The following USP31 variants were observed in gnomAD, a reference collection of about 807,000 sequenced individuals.
USP31 encodes the protein ubiquitin carboxyl-terminal hydrolase 31.
A neutral mutation model predicts 119.4 loss-of-function variants in USP31; 44 were observed. That is an observed-to-expected ratio of 0.37 (90% CI 0.29 to 0.47). The LOEUF is 0.47. USP31 is among the 20% of genes least tolerant of loss of function. The pLI is 0.99. For missense variants in USP31, 1,643 were observed against 1,730.2 expected (o/e 0.95, Z 0.89); for synonymous variants, 749 against 705.6 (o/e 1.06, Z -0.97).
intron 1 of USP31, among the ~76,000 whole-genome samples, chr16:23,141,002 C>T (rs943114790): frequency 2.0e-5 from 3 of 152,234 alleles, no homozygotes; most frequent in Non-Finnish European, 4.4e-5. Context: ...CCTGACTGGT[C>T]TCTGCCTCCA....
intron 1 of USP31, among the ~76,000 whole-genome samples, chr16:23,137,055 C>T (rs1406293033): frequency 6.6e-6 from 1 of 152,036 alleles, no homozygotes; most frequent in Non-Finnish European, 1.5e-5. Context: ...TCTACAAAAA[C>T]ACAAAAATTA....
At chr16:23,101,123 T>A (rs1044697977) in intron 6 of USP31, among the ~76,000 whole-genome samples, 1 of 152,150 alleles carries the variant, frequency 6.6e-6, no homozygotes, top group East Asian at 1.9e-4. Flanking sequence ...AGAATAAGTC[T>A]GTGGAGAAAT....
At chr16:23,127,940 A>C (rs924403305) in intron 1 of USP31, among the ~76,000 whole-genome samples, 1 of 152,138 alleles carries the variant, frequency 6.6e-6, no homozygotes, top group African/African-American at 2.4e-5. Context: ...TCAAATACTA[A>C]CATTGTTGGT....
rs1167571269 is a variant in USP31, at chr16:23,067,486, T to C, written c.*560A>G. On this transcript the variant is annotated 3_prime_UTR_variant, in exon 16 of 16. Transcript: ENST00000219689. Reference sequence around the variant, plus strand: ...AGCTGAGTATATACCTGAGAAACATTAGTGTTAAAATATTGCCCTTTACAA... The same window carrying C: ...AGCTGAGTATATACCTGAGAAACATCAGTGTTAAAATATTGCCCTTTACAA... 1 of 153,318 alleles carries C rather than the reference T, an allele frequency of 6.5e-6. No homozygotes were observed. Among genetic ancestry groups the C allele is most frequent in the Non-Finnish European group, 1.5e-5 (1 of 68,582 alleles). 9.5% of individuals were successfully genotyped at this position (153,318 alleles called of 1,614,324 possible).
intron 13 of USP31, among the ~76,000 whole-genome samples, chr16:23,078,472 C>A (rs1001752659): frequency 1.3e-5 from 2 of 152,132 alleles, no homozygotes; most frequent in African/African-American, 2.4e-5. Context: ...CTATCCACCC[C>A]ACTCTAGCCC....
At chr16:23,113,554 T>C (rs1164958929) in intron 1 of USP31, among the ~76,000 whole-genome samples, 2 of 152,216 alleles carry the variant, frequency 1.3e-5, no homozygotes, top group Admixed American at 6.5e-5. Context: ...AGGCAGGCTC[T>C]GAGGCAGATC....
chr16:23,123,415 G>C (rs1345852733), intron 1 of USP31, among the ~76,000 whole-genome samples: 1 of 152,090 alleles, frequency 6.6e-6, no homozygotes, highest in Non-Finnish European at 1.5e-5. Context: ...GTGCCCGCCT[G>C]TAATTCCAGC....
At chr16:23,104,928 C>T (rs752259902) in intron 5 of USP31, among the ~76,000 whole-genome samples, 18 of 152,186 alleles carry the variant, frequency 1.2e-4, no homozygotes, top group Non-Finnish European at 2.5e-4. Flanking sequence ...GCACAACTTT[C>T]CTTTCTCTTC....
chr16:23,147,405 C>A (rs1221472937), intron 1 of USP31, among the ~76,000 whole-genome samples: 1 of 152,172 alleles, frequency 6.6e-6, no homozygotes, highest in African/African-American at 2.4e-5. Flanking sequence ...CACTGCGCCC[C>A]GCCCGATTCC....
rs909343385 is a variant in USP31, at chr16:23,061,406, T to C, written c.*6640A>G. 4 of 152,630 alleles carry C rather than the reference T, an allele frequency of 2.6e-5. No homozygotes were observed. The highest frequency in any genetic ancestry group is 6.5e-5 in the Admixed American group (1 of 15,292). 9.5% of individuals were successfully genotyped at this position (152,630 alleles called of 1,614,324 possible). On this transcript the variant is annotated 3_prime_UTR_variant, in exon 16 of 16. Transcript: ENST00000219689. ...AAGGGGGAGAAAGGAGAAATGTGGC[T>C]TGAAGAGGACATCTTGTAATAAATT...
intron 9 of USP31, 105 bp from the exon 10 acceptor site, chr16:23,085,767 T>C (rs1489429184): frequency 1.3e-5 from 14 of 1,049,296 alleles, no homozygotes; most frequent in Non-Finnish European, 1.8e-5. Context: ...TTCAGGTGAT[T>C]AATGAAAATC....
intron 12 of USP31, 87 bp from the exon 13 acceptor site, chr16:23,080,258 G>C (rs967100744): frequency 8.4e-7 from 1 of 1,185,150 alleles, no homozygotes; most frequent in East Asian, 2.5e-5. Context: ...GATCCTATCA[G>C]ACAAAGCGGT....
rs1343052871 is a variant in USP31, at chr16:23,066,599, T to C, written c.*1447A>G. On this transcript the variant is annotated 3_prime_UTR_variant, in exon 16 of 16. Transcript: ENST00000219689. The stretch of plus-strand genomic sequence containing the variant: ...AGCACATAAACTTAGCATGCTGTAT[T>C]TACTGGCAAAGTGACAAATGCTATT... 1 of 152,138 alleles carries C rather than the reference T, an allele frequency of 6.6e-6. No homozygotes were observed. Among genetic ancestry groups the C allele is most frequent in the Non-Finnish European group, 1.5e-5 (1 of 68,032 alleles). 9.4% of individuals were successfully genotyped at this position (152,138 alleles called of 1,614,324 possible).
chr16:23,114,482 A>G (rs1902429594), intron 1 of USP31, among the ~76,000 whole-genome samples: 1 of 152,142 alleles, frequency 6.6e-6, no homozygotes, highest in Non-Finnish European at 1.5e-5. Flanking sequence ...AAGTTTCAAC[A>G]TAGACATTCC....
chr16:23,105,035 A>C (rs1365039115), intron 5 of USP31, among the ~76,000 whole-genome samples: 1 of 151,964 alleles, frequency 6.6e-6, no homozygotes, highest in Non-Finnish European at 1.5e-5. Context: ...CAAGATATCC[A>C]CTCTTATCAT....
intron 13 of USP31, among the ~76,000 whole-genome samples, chr16:23,075,523 C>T (rs1053546516): frequency 3.9e-5 from 6 of 152,048 alleles, no homozygotes; most frequent in Non-Finnish European, 5.9e-5. Flanking sequence ...TTATGGCTCA[C>T]GGACTGACAC....
chr16:23,140,507 C>G (rs191209452), intron 1 of USP31, among the ~76,000 whole-genome samples: 1 of 152,174 alleles, frequency 6.6e-6, no homozygotes, highest in Non-Finnish European at 1.5e-5. Context: ...TGTCCCCAGA[C>G]CATGCTATAT....
chr16:23,106,384 C>T lies in USP31; in HGVS notation c.860+15G>A. ...AGGTAAACAAAATAAGTGGAAACATCCGATTTTCTCATACCTGTATTGCGC... is the reference window on the plus strand; with the variant it reads ...AGGTAAACAAAATAAGTGGAAACATTCGATTTTCTCATACCTGTATTGCGC... On this transcript the variant is annotated intron_variant, in intron 3 of 15. Coordinates refer to ENST00000219689, the MANE Select transcript of USP31 (RefSeq NM_020718.4). The T allele has an allele frequency of 6.2e-7, 1 of 1,613,634 alleles. No individual in the cohort carries two copies. Among genetic ancestry groups the T allele is most frequent in the Non-Finnish European group, 8.5e-7 (1 of 1,179,784 alleles).
intron 6 of USP31, among the ~76,000 whole-genome samples, chr16:23,096,945 A>G (rs1157483616): frequency 6.6e-6 from 1 of 152,192 alleles, no homozygotes; most frequent in African/African-American, 2.4e-5. Flanking sequence ...GAGAAGCAAG[A>G]GCAAACACAT....
Sources: gnomAD v4.1 joint callset for allele counts (sites outside exome capture counted in the v4.1 genomes callset) on GRCh38, gnomAD v4.1.1 for gene constraint, MANE v1.5 for transcripts, NCBI Gene and HGNC (gene_info 2026-07-23, HGNC 2026-07-21) for gene names.